CLVS1: variants seen among roughly 807,000 people sequenced by gnomAD.
The protein encoded by CLVS1 is clavesin 1.
Under a neutral mutation model 33.1 loss-of-function variants are expected in CLVS1, and 10 were observed. The ratio of observed to expected loss-of-function variants is 0.30; its 90% CI spans 0.19 to 0.51. CLVS1 has a LOEUF of 0.51. Ranked by LOEUF, CLVS1 falls within the 20% of genes least tolerant of loss-of-function variation. CLVS1 has a pLI of 0.97. For missense variants in CLVS1, 343 were observed against 433.4 expected, an observed-to-expected ratio of 0.79 and a Z score of 1.85; for synonymous variants, 163 against 166.1, an observed-to-expected ratio of 0.98 and a Z score of 0.14.
At chr8:61,165,524 T>C (rs1161942981) in intron 2 of CLVS1, among the ~76,000 whole-genome samples, 1 of 152,206 alleles carries the variant, frequency 6.6e-6, no homozygotes, top group Non-Finnish European at 1.5e-5. Context: ...AGCTCTCTGA[T>C]TGGTTGGGTG....
intron 2 of CLVS1, among the ~76,000 whole-genome samples, chr8:61,154,702 T>A (rs1806615780): frequency 6.6e-6 from 1 of 152,202 alleles, no homozygotes; most frequent in African/African-American, 2.4e-5. Flanking sequence ...ATCTGCAAGA[T>A]AATAATAATA....
chr8:61,156,276 G>A (rs1180190118), intron 2 of CLVS1, among the ~76,000 whole-genome samples: 2 of 149,872 alleles, frequency 1.3e-5, no homozygotes, highest in Non-Finnish European at 2.9e-5. Context: ...CATCACCTGG[G>A]TCTCCACCTC....
the CLVS1 span, among the ~76,000 whole-genome samples, chr8:60,997,302 C>T: frequency 6.6e-6 from 1 of 152,084 alleles, no homozygotes; most frequent in Non-Finnish European, 1.5e-5. Flanking sequence ...GGCAGACATG[C>T]TGGGAATCCT....
upstream of CLVS1, among the ~76,000 whole-genome samples, chr8:61,283,488 G>A (rs1043223575): frequency 2.0e-5 from 3 of 152,154 alleles, no homozygotes; most frequent in Non-Finnish European, 4.4e-5. Flanking sequence ...CCAGCTCCAT[G>A]CAGTCAAGTA....
chr8:61,480,831 T>C (rs541874617), intron 5 of CLVS1, among the ~76,000 whole-genome samples: 1 of 152,084 alleles, frequency 6.6e-6, no homozygotes, highest in African/African-American at 2.4e-5. Flanking sequence ...GGGGGAAACA[T>C]TGAACGTGGA....
intron 3 of CLVS1, among the ~76,000 whole-genome samples, chr8:61,452,559 C>G (rs529284530): frequency 5.3e-4 from 81 of 151,858 alleles, no homozygotes; most frequent in African/African-American, 1.9e-3. Context: ...TTTAAGGAAC[C>G]AAAAAACTTT....
At chr8:61,365,877 T>C (rs1813191662) in intron 2 of CLVS1, among the ~76,000 whole-genome samples, 1 of 152,024 alleles carries the variant, frequency 6.6e-6, no homozygotes, top group South Asian at 2.1e-4. Flanking sequence ...TGCTTTTGGT[T>C]TGTGGATGTA....
At chr8:61,194,077 A>G (rs72654685) in intron 2 of CLVS1, among the ~76,000 whole-genome samples, 12,076 of 152,060 alleles carry the variant, frequency 0.079, 686 homozygotes, top group East Asian at 0.15. Flanking sequence ...ATTCATTTCA[A>G]AGTCATAGTG....
At chr8:61,355,696 G>A (rs1023739878) in intron 2 of CLVS1, among the ~76,000 whole-genome samples, 10 of 152,242 alleles carry the variant, frequency 6.6e-5, no homozygotes, top group Admixed American at 6.5e-4. Context: ...AGTTTACTGA[G>A]AATGATGATT....
At chr8:61,126,576 A>G (rs1805976854) in intron 1 of CLVS1, among the ~76,000 whole-genome samples, 1 of 152,244 alleles carries the variant, frequency 6.6e-6, no homozygotes, top group Non-Finnish European at 1.5e-5. Flanking sequence ...AAGTAAAATA[A>G]TAAGGCAAGT....
chr8:61,065,104 T>C (rs1457009185), intron 1 of CLVS1, among the ~76,000 whole-genome samples: 1 of 152,216 alleles, frequency 6.6e-6, no homozygotes, highest in African/African-American at 2.4e-5. Context: ...GGGCAATTGG[T>C]TCCAGGACAC....
At chr8:61,461,862 C>T (rs548133291) in intron 5 of CLVS1, among the ~76,000 whole-genome samples, 8 of 151,670 alleles carry the variant, frequency 5.3e-5, no homozygotes, top group African/African-American at 9.7e-5. Flanking sequence ...TTCTCCATAC[C>T]CTGGAAAAAT....
At chr8:61,063,437 C>CAGAG (rs1804622179) in intron 1 of CLVS1, among the ~76,000 whole-genome samples, 1 of 152,100 alleles carries the variant, frequency 6.6e-6, no homozygotes, top group African/African-American at 2.4e-5. Context: ...AATAGCATTA[C>CAGAG]AGAGACAGGG....
At chr8:61,450,910 T>C (rs2129606905) in intron 3 of CLVS1, among the ~76,000 whole-genome samples, 1 of 152,262 alleles carries the variant, frequency 6.6e-6, no homozygotes, top group African/African-American at 2.4e-5. Flanking sequence ...AGGCATGAGT[T>C]TGACCTTTAA....
At chr8:61,194,657 A>G (rs975303769) in intron 2 of CLVS1, among the ~76,000 whole-genome samples, 5 of 151,938 alleles carry the variant, frequency 3.3e-5, no homozygotes, top group African/African-American at 1.2e-4. Context: ...AGTCAGAAAA[A>G]TTAGTAAAGT....
chr8:61,327,673 T>C (rs924245712), intron 2 of CLVS1, among the ~76,000 whole-genome samples: 1 of 152,200 alleles, frequency 6.6e-6, no homozygotes, highest in African/African-American at 2.4e-5. Context: ...AATGCATTTT[T>C]CTCTTCCTCA....
chr8:60,989,921 C>G, the CLVS1 span, among the ~76,000 whole-genome samples: 4 of 151,598 alleles, frequency 2.6e-5, no homozygotes, highest in African/African-American at 4.9e-5. Flanking sequence ...GTCAGGAGAT[C>G]GAGACCATCC....
the CLVS1 span, among the ~76,000 whole-genome samples, chr8:60,980,940 G>C: frequency 6.6e-6 from 1 of 152,182 alleles, no homozygotes; most frequent in African/African-American, 2.4e-5. Context: ...CACAGAAGAG[G>C]AGGAGGCCAT....
the CLVS1 span, among the ~76,000 whole-genome samples, chr8:60,991,547 T>C: frequency 6.6e-6 from 1 of 152,206 alleles, no homozygotes; most frequent in African/African-American, 2.4e-5. Context: ...GAAGTCCTTT[T>C]CCTGGCTTTT....
Sources: gnomAD v4.1 joint callset for allele counts (sites outside exome capture counted in the v4.1 genomes callset) on GRCh38, gnomAD v4.1.1 for gene constraint, MANE v1.5 for transcripts, NCBI Gene and HGNC (gene_info 2026-07-23, HGNC 2026-07-21) for gene names.